Variants in ARHGAP24 observed in about 807,000 individuals in gnomAD.
The protein encoded by ARHGAP24 is rho GTPase-activating protein 24.
ARHGAP24 carries 50 observed loss-of-function variants against 76.4 expected under a neutral mutation model. The ratio of observed to expected loss-of-function variants is 0.65; its 90% CI spans 0.52 to 0.83. The LOEUF (loss-of-function observed/expected upper bound fraction) is 0.83. Ranked by LOEUF, ARHGAP24 falls within the 40% of genes least tolerant of loss-of-function variation. The pLI, the probability that ARHGAP24 is intolerant of heterozygous loss-of-function variation, is 0.00. For synonymous variants in ARHGAP24, 345 were observed against 323.3 expected (o/e 1.07, Z -0.72); for missense variants, 930 against 914.2 (o/e 1.02, Z -0.22).
intron 3 of ARHGAP24, chr4:85,827,599 T>A (rs571665270): frequency 4.9e-6 from 1 of 203,280 alleles, no homozygotes; most frequent in African/African-American, 2.3e-5. Context: ...TTCTCAGATT[T>A]TATTGTCCCA....
rs541213884 is a variant in ARHGAP24 at position 85,550,663 on chromosome 4, G to A, written c.-20-19859G>A. Among the ~76,000 whole-genome samples the A allele has an allele frequency of 5.9e-5, 9 of 152,200 alleles. No individual in the cohort carries two copies. The South Asian group carries it at 6.2e-4, about 11-fold the overall frequency. On this transcript the variant is annotated intron_variant, in intron 1 of 9. Coordinates refer to ENST00000395184, the MANE Select transcript of ARHGAP24 (RefSeq NM_001025616.3). ...GCAGTATGTTTGTTATACCAATATT[G>A]ATTCTTCTTATCCCTGAGCATGGAA...
At chr4:85,694,092 A>C (rs1408838499) in intron 2 of ARHGAP24, among the ~76,000 whole-genome samples, 1 of 152,064 alleles carries the variant, frequency 6.6e-6, no homozygotes, top group Non-Finnish European at 1.5e-5. Flanking sequence ...CTTCAGCTTC[A>C]GTGTCTGCAT....
At chr4:85,805,269 C>G (rs1384477393) in intron 3 of ARHGAP24, among the ~76,000 whole-genome samples, 1 of 152,146 alleles carries the variant, frequency 6.6e-6, no homozygotes, top group African/African-American at 2.4e-5. Flanking sequence ...ACCACCCATT[C>G]CCCTTGCGTC....
intron 3 of ARHGAP24, among the ~76,000 whole-genome samples, chr4:85,898,837 C>T (rs1417705870): frequency 2.6e-5 from 4 of 152,084 alleles, no homozygotes; most frequent in African/African-American, 7.2e-5. Context: ...TTCCGCCTCC[C>T]GGTTCAAGTG....
chr4:85,635,368 G>T (rs946180698), intron 2 of ARHGAP24, among the ~76,000 whole-genome samples: 5 of 151,844 alleles, frequency 3.3e-5, no homozygotes, highest in South Asian at 2.1e-4. Context: ...ATGTTCAAAG[G>T]TGTTGATTGT....
chr4:85,626,939 G>T (rs1720976278), intron 2 of ARHGAP24, among the ~76,000 whole-genome samples: 1 of 152,040 alleles, frequency 6.6e-6, no homozygotes, highest in African/African-American at 2.4e-5. Flanking sequence ...GGTCCTTTAT[G>T]GACTTCTCTG....
chr4:85,717,074 A>C (rs1018411133), intron 2 of ARHGAP24, among the ~76,000 whole-genome samples: 6 of 152,104 alleles, frequency 3.9e-5, no homozygotes, highest in Non-Finnish European at 7.4e-5. Flanking sequence ...GGGAACAAAC[A>C]GAGAATATCT....
At chr4:85,489,078 A>G (rs1158136705) in intron 1 of ARHGAP24, among the ~76,000 whole-genome samples, 1 of 152,192 alleles carries the variant, frequency 6.6e-6, no homozygotes, top group African/African-American at 2.4e-5. Flanking sequence ...TAGATTTTCA[A>G]TTAATTCAGC....
At chr4:85,766,361 C>A (rs1485833173) in intron 3 of ARHGAP24, among the ~76,000 whole-genome samples, 1 of 152,052 alleles carries the variant, frequency 6.6e-6, no homozygotes, top group Admixed American at 6.6e-5. Context: ...GAAAATAATT[C>A]CTTGCTCTTC....
chr4:85,994,225 A>C (rs1036530958), intron 8 of ARHGAP24, among the ~76,000 whole-genome samples: 3 of 152,172 alleles, frequency 2.0e-5, no homozygotes, highest in African/African-American at 7.2e-5. Flanking sequence ...TTGTATTATG[A>C]TTAAGAGCCC....
intron 3 of ARHGAP24, among the ~76,000 whole-genome samples, chr4:85,821,360 G>A (rs913248059): frequency 2.6e-5 from 4 of 152,072 alleles, no homozygotes. Context: ...TAATCCATAA[G>A]ACAAATATTT....
At chr4:85,722,246 C>T (rs749978670) in intron 3 of ARHGAP24, 1 of 387,700 alleles carries the variant, frequency 2.6e-6, no homozygotes, top group Non-Finnish European at 4.8e-6. Context: ...TTGTTCAGGA[C>T]TATTGGAGAT....
At chr4:85,683,211 A>C (rs1384509248) in intron 2 of ARHGAP24, among the ~76,000 whole-genome samples, 1 of 150,720 alleles carries the variant, frequency 6.6e-6, no homozygotes, top group Non-Finnish European at 1.5e-5. Context: ...AATATGAAAC[A>C]TGGGGTTTGT....
At chr4:85,953,549 A>C (rs1737735393) in intron 5 of ARHGAP24, among the ~76,000 whole-genome samples, 1 of 152,158 alleles carries the variant, frequency 6.6e-6, no homozygotes, top group South Asian at 2.1e-4. Context: ...GAAATACCTT[A>C]AGATTCAGAA....
intron 1 of ARHGAP24, among the ~76,000 whole-genome samples, chr4:85,549,355 G>A (rs913950336): frequency 4.0e-5 from 6 of 151,144 alleles, no homozygotes; most frequent in Admixed American, 4.0e-4. Context: ...ATTCAAATGG[G>A]CATGTAATGA....
At chr4:85,927,140 G>T (rs1736064691) in intron 4 of ARHGAP24, among the ~76,000 whole-genome samples, 1 of 152,056 alleles carries the variant, frequency 6.6e-6, no homozygotes, top group South Asian at 2.1e-4. Flanking sequence ...CCATAGAATG[G>T]ATTATTATTA....
intron 1 of ARHGAP24, among the ~76,000 whole-genome samples, chr4:85,506,488 G>A (rs1229307171): frequency 6.6e-6 from 1 of 152,210 alleles, no homozygotes; most frequent in African/African-American, 2.4e-5. Context: ...CAGCCTTGCA[G>A]GTCAATCTCA....
At chr4:85,983,843 C>T (rs1739829807) in intron 8 of ARHGAP24, among the ~76,000 whole-genome samples, 2 of 152,142 alleles carry the variant, frequency 1.3e-5, no homozygotes, top group Non-Finnish European at 1.5e-5. Flanking sequence ...ATAAGTTTCT[C>T]CTCTTTTCTT....
At chr4:85,676,081 G>T (rs1253194631) in intron 2 of ARHGAP24, among the ~76,000 whole-genome samples, 2 of 152,116 alleles carry the variant, frequency 1.3e-5, no homozygotes, top group Non-Finnish European at 2.9e-5. Flanking sequence ...AAAATTGATG[G>T]TAAGTTTTCA....
Sources: gnomAD v4.1 joint callset for allele counts (sites outside exome capture counted in the v4.1 genomes callset) on GRCh38, gnomAD v4.1.1 for gene constraint, MANE v1.5 for transcripts, NCBI Gene and HGNC (gene_info 2026-07-23, HGNC 2026-07-21) for gene names.